Variants in PRSS16 observed in about 807,000 individuals in gnomAD.
PRSS16 encodes the protein serine protease 16, also known as thymus-specific serine protease.
A neutral mutation model predicts 61.7 loss-of-function variants in PRSS16; 43 were observed. That is an observed-to-expected ratio of 0.70 (90% CI 0.55 to 0.90). The LOEUF (loss-of-function observed/expected upper bound fraction) is 0.90, where lower values mean the gene tolerates loss of function less well. Ranked by LOEUF, PRSS16 falls within the 40% of genes least tolerant of loss-of-function variation. The probability of loss-of-function intolerance (pLI) is 0.00; values close to 1 mark genes in which losing one functional copy is unlikely to be tolerated. For synonymous variants in PRSS16, 273 were observed against 285.2 expected, an observed-to-expected ratio of 0.96 and a Z score of 0.43; for missense variants, 591 against 659.1, an observed-to-expected ratio of 0.90 and a Z score of 1.13.
Position 27,251,343 on chromosome 6 carries a change from G to A in PRSS16, c.717+79G>A. On this transcript the variant is annotated intron_variant, in intron 7 of 11. Transcript: ENST00000230582. The surrounding 1 kb of genome is among the most constrained non-coding windows in gnomAD (Gnocchi z 5.6). ...TGCCAGGGAAGAGGAGGCCAGAGAA[G>A]GGCGAAACCTGCAACGTGGCGGGGT... 1.3e-6 allele frequency: 2 copies of A among 1,487,980 alleles called. No homozygotes were observed. The highest frequency in any genetic ancestry group is 9.0e-7 in the Non-Finnish European group (1 of 1,113,714). 92.2% of individuals were successfully genotyped at this position (1,487,980 alleles called of 1,614,324 possible).
Position 27,252,061 on chromosome 6 carries a change from C to T in PRSS16, c.1008+21C>T, listed in dbSNP as rs763528015. ...TGCAGGTGAGCACTCCCTGGCACAG[C>T]TGGGAGGAGTTAGCGGACAAAGATT... On this transcript the variant is annotated intron_variant, in intron 8 of 11. Transcript: ENST00000230582. This position sits in a 1 kb window ranked among gnomAD's most constrained non-coding sequence, Gnocchi z 4.2. 1.1e-5 allele frequency: 16 copies of T among 1,469,642 alleles called. No homozygotes were observed. Among genetic ancestry groups the T allele is most frequent in the Middle Eastern group, 1.8e-4 (1 of 5,576 alleles). The allele number at this position is 1,469,642 out of a possible 1,614,324, so 91.0% of individuals were successfully genotyped here. A position where few individuals can be genotyped will look rare whatever the true frequency, so the allele number is the denominator to read the frequency against.
chr6:27,251,657 A>C lies in PRSS16; in HGVS notation c.718-93A>C. On this transcript the variant is annotated intron_variant, in intron 7 of 11. Coordinates refer to ENST00000230582, the MANE Select transcript of PRSS16 (RefSeq NM_005865.4). The surrounding 1 kb of genome is among the most constrained non-coding windows in gnomAD (Gnocchi z 5.6). The stretch of plus-strand genomic sequence containing the variant: ...TGCACCCTCTGAGTCCCGCTAGGGG[A>C]AAGTGGGGAACCCAAGGAGGACGCA... The C allele has an allele frequency of 6.9e-7, 1 of 1,459,436 alleles. No homozygotes were observed. The highest frequency in any genetic ancestry group is 9.0e-7 in the Non-Finnish European group (1 of 1,108,138). The allele number at this position is 1,459,436 out of a possible 1,614,324, so 90.4% of individuals were successfully genotyped here. A position where few individuals can be genotyped will look rare whatever the true frequency, so the allele number is the denominator to read the frequency against.
At chr6:27,253,131 C>A (rs1411779354) in intron 9 of PRSS16, 182 bp downstream of exon 9, 2 of 695,004 alleles carry the variant, frequency 2.9e-6, no homozygotes, top group Non-Finnish European at 4.9e-6. Flanking sequence ...TTGGCCCTCA[C>A]ATGCCTCCTC....
chr6:27,249,513 C>T (rs1378389579), intron 4 of PRSS16, among the ~76,000 whole-genome samples: 5 of 152,168 alleles, frequency 3.3e-5, no homozygotes, highest in Non-Finnish European at 4.4e-5. Flanking sequence ...CATTCCTTAC[C>T]TGGATTACGG....
chr6:27,253,959 G>C (rs1759976212), intron 9 of PRSS16: 1 of 152,434 alleles, frequency 6.6e-6, no homozygotes, highest in African/African-American at 2.4e-5. Flanking sequence ...TGTTCACTTT[G>C]CTTGGATTAT....
rs1347125905 is a variant in PRSS16 at position 27,251,517 on chromosome 6, G to A, written c.718-233G>A. ...CTATCCGGAGGTGAGGCTCAAGGTG[G>A]GGCGGGGCCACAATGGAGGACGGGG... On this transcript the variant is annotated intron_variant, in intron 7 of 11. Coordinates refer to ENST00000230582, the MANE Select transcript of PRSS16 (RefSeq NM_005865.4). This position sits in a 1 kb window ranked among gnomAD's most constrained non-coding sequence, Gnocchi z 5.6. The A allele has an allele frequency of 1.4e-6, 1 of 723,068 alleles. No individual in the cohort carries two copies. Among genetic ancestry groups the A allele is most frequent in the Non-Finnish European group, 2.2e-6 (1 of 459,198 alleles). 44.8% of individuals were successfully genotyped at this position (723,068 alleles called of 1,614,324 possible). A position where few individuals can be genotyped will look rare whatever the true frequency, so the allele number is the denominator to read the frequency against.
chr6:27,252,349 G>C lies in PRSS16; in HGVS notation c.1008+309G>C, dbSNP rs975290169. 1 of 435,036 alleles carries C rather than the reference G, an allele frequency of 2.3e-6. No individual in the cohort carries two copies. The highest frequency in any genetic ancestry group is 4.0e-6 in the Non-Finnish European group (1 of 247,362). The allele number at this position is 435,036 out of a possible 1,614,324, so 26.9% of individuals were successfully genotyped here. A position where few individuals can be genotyped will look rare whatever the true frequency, so the allele number is the denominator to read the frequency against. On this transcript the variant is annotated intron_variant, in intron 8 of 11. Transcript: ENST00000230582. The surrounding 1 kb of genome is among the most constrained non-coding windows in gnomAD (Gnocchi z 4.2). Reference sequence around the variant, plus strand: ...CTGGCACATGGCAAATTCTCACTTAGTATTTTTAGAATGAATGAAAAAATG... The same window carrying C: ...CTGGCACATGGCAAATTCTCACTTACTATTTTTAGAATGAATGAAAAAATG...
chr6:27,252,184 G>T lies in PRSS16; in HGVS notation c.1008+144G>T, dbSNP rs1387757007. ...AATGGGGATAACACTTCACAGGGCC[G>T]ATGGGAAGATGAAATGAGGCGGGTC... On this transcript the variant is annotated intron_variant, in intron 8 of 11. Coordinates refer to ENST00000230582, the MANE Select transcript of PRSS16 (RefSeq NM_005865.4). The surrounding 1 kb of genome is among the most constrained non-coding windows in gnomAD (Gnocchi z 4.2). 2 of 1,009,966 alleles carry T rather than the reference G, an allele frequency of 2.0e-6. No homozygotes were observed. The highest frequency in any genetic ancestry group is 1.7e-5 in the African/African-American group (1 of 60,526). 62.6% of individuals were successfully genotyped at this position (1,009,966 alleles called of 1,614,324 possible). A position where few individuals can be genotyped will look rare whatever the true frequency, so the allele number is the denominator to read the frequency against.
At chr6:27,250,974 AC>A in intron 5 of PRSS16, 67 bp from the exon 6 acceptor site, 1 of 1,594,622 alleles carries the variant, frequency 6.3e-7, no homozygotes, top group Non-Finnish European at 8.6e-7. Context: ...CGAGTAAGTG[AC>A]ACAGAGGCAG....
At position 27,256,002 on chromosome 6, in the gene PRSS16, C is replaced by T. The variant is rs1437279420; in HGVS notation, c.*687C>T. 6.5e-6 allele frequency: 1 copy of T among 152,714 alleles called. No individual in the cohort carries two copies. The highest frequency in any genetic ancestry group is 1.5e-5 in the Non-Finnish European group (1 of 68,690). 9.5% of individuals were successfully genotyped at this position (152,714 alleles called of 1,614,324 possible). A position where few individuals can be genotyped will look rare whatever the true frequency, so the allele number is the denominator to read the frequency against. ...TCTCCTAGTCACTTTCTTTCTCACTCTGTCTCTGTCTCTATTTCTGTCTCT... is the reference window on the plus strand; with the variant it reads ...TCTCCTAGTCACTTTCTTTCTCACTTTGTCTCTGTCTCTATTTCTGTCTCT... On this transcript the variant is annotated 3_prime_UTR_variant, in exon 12 of 12. Coordinates refer to ENST00000230582, the MANE Select transcript of PRSS16 (RefSeq NM_005865.4).
chr6:27,248,345 G>C (rs1259045389), intron 2 of PRSS16, among the ~76,000 whole-genome samples: 19 of 151,690 alleles, frequency 1.3e-4, no homozygotes, highest in Admixed American at 1.2e-3. Flanking sequence ...TCCCTGTCCA[G>C]ACTGGACACA....
Position 27,252,036 on chromosome 6 carries a change from T to A in PRSS16, c.1004T>A (p.Val335Glu). The change falls in exon 8 of 12, where the codon GTG (valine) becomes GAG (glutamate). Residue 335 changes from valine to glutamate, a missense_variant. Transcript: ENST00000230582. The surrounding 1 kb of genome is among the most constrained non-coding windows in gnomAD (Gnocchi z 4.2). ...CCCTACTGCGGGCTTCGTCGGGCGGTGCAGGTGAGCACTCCCTGGCACAGC... is the reference window on the plus strand; with the variant it reads ...CCCTACTGCGGGCTTCGTCGGGCGGAGCAGGTGAGCACTCCCTGGCACAGC... ...STPYCGLRRA[V>E]QIVLHSLGQK... The A allele has an allele frequency of 6.6e-7, 1 of 1,525,240 alleles. No homozygotes were observed. Among genetic ancestry groups the A allele is most frequent in the Non-Finnish European group, 8.8e-7 (1 of 1,140,822 alleles). 94.5% of individuals were successfully genotyped at this position (1,525,240 alleles called of 1,614,324 possible).
intron 4 of PRSS16, among the ~76,000 whole-genome samples, chr6:27,250,079 G>A (rs1759843856): frequency 6.6e-6 from 1 of 151,952 alleles, no homozygotes; most frequent in Admixed American, 6.6e-5. Context: ...CATTTTCTCC[G>A]TCTCTGTATC....
intron 5 of PRSS16, 26 bp downstream of exon 5, chr6:27,250,832 G>T: frequency 6.3e-7 from 1 of 1,589,362 alleles, no homozygotes; most frequent in Non-Finnish European, 8.5e-7. Flanking sequence ...CGGGTGGGCT[G>T]GGGGGAGGGA....
At chr6:27,250,595 G>A in intron 4 of PRSS16, 88 bp from the exon 5 acceptor site, 3 of 1,500,874 alleles carry the variant, frequency 2.0e-6, no homozygotes, top group Non-Finnish European at 2.7e-6. Flanking sequence ...ACCCATTCAT[G>A]TCTCTGGATC....
Position 27,252,892 on chromosome 6 carries a change from C to A in PRSS16, c.1093C>A (p.Leu365Met), listed in dbSNP as rs760529321. Residue 365 changes from leucine to methionine, a missense_variant, in exon 9 of 12, where the codon CTG becomes ATG. Physicochemically the swap from Leu to Met is conservative, Grantham distance 15 (BLOSUM62 2). Transcript: ENST00000230582. This position sits in a 1 kb window ranked among gnomAD's most constrained non-coding sequence, Gnocchi z 4.2. The stretch of plus-strand genomic sequence containing the variant: ...ACAGCTGAGGAGCACAGAACCTCAA[C>A]TGTCTGGTGTGGGTGACCGGCAGTG... Reference protein sequence around the residue: ...VAQLRSTEPQLSGVGDRQWLY... With the variant: ...VAQLRSTEPQMSGVGDRQWLY... 6.8e-6 allele frequency: 11 copies of A among 1,614,240 alleles called. No homozygotes were observed. In the East Asian group the frequency reaches 2.5e-4, roughly 36 times the overall value.
chr6:27,250,876 G>T, intron 5 of PRSS16, 70 bp downstream of exon 5: 3 of 1,561,690 alleles, frequency 1.9e-6, no homozygotes, highest in Non-Finnish European at 1.7e-6. Context: ...TCAGATAATA[G>T]GAATACCCTC....
Position 27,255,080 on chromosome 6 carries a change from C to T in PRSS16, c.1425C>T (p.Asp475=), listed in dbSNP as rs751229161. The T allele has an allele frequency of 5.6e-6, 9 of 1,614,210 alleles. No homozygotes were observed. Among genetic ancestry groups the T allele is most frequent in the South Asian group, 1.1e-5 (1 of 91,086 alleles). ...TCCGCACTGGCTCCCACTGCTTGGACATGGCACCTGAGAGGCCCTCAGACT... is the reference window on the plus strand; with the variant it reads ...TCCGCACTGGCTCCCACTGCTTGGATATGGCACCTGAGAGGCCCTCAGACT... The part of the protein sequence containing the change: ...LLIRTGSHCL[D]MAPERPSDSP... The change falls in exon 11 of 12, where the codon GAC becomes GAT. Residue 475 remains aspartate (D), a synonymous_variant. Coordinates refer to ENST00000230582, the MANE Select transcript of PRSS16 (RefSeq NM_005865.4). This position sits in a 1 kb window ranked among gnomAD's most constrained non-coding sequence, Gnocchi z 4.4.
chr6:27,250,602 G>C (rs1759856427), intron 4 of PRSS16, 81 bp from the exon 5 acceptor site: 5 of 1,504,826 alleles, frequency 3.3e-6, no homozygotes, highest in Non-Finnish European at 4.4e-6. Context: ...CATGTCTCTG[G>C]ATCCGGGTTT....
Sources: allele counts gnomAD v4.1 joint callset (sites outside exome capture counted in the v4.1 genomes callset), GRCh38; gene constraint gnomAD v4.1.1; non-coding constraint Gnocchi (gnomAD v3.1); transcripts MANE v1.5; gene names NCBI Gene and HGNC (gene_info 2026-07-23, HGNC 2026-07-21).